Variants in ITFG1 observed in about 807,000 individuals in gnomAD.
ITFG1 encodes the protein T-cell immunomodulatory protein.
ITFG1 carries 34 observed loss-of-function variants against 81.8 expected under a neutral mutation model. The ratio of observed to expected loss-of-function variants is 0.42; its 90% CI spans 0.32 to 0.55. The LOEUF (loss-of-function observed/expected upper bound fraction) is 0.55, where lower values mean the gene tolerates loss of function less well. Among genes scored for constraint, ITFG1 ranks in the 20% least tolerant of loss-of-function variants. The probability of loss-of-function intolerance (pLI) is 0.17; values close to 1 mark genes in which losing one functional copy is unlikely to be tolerated. For missense variants in ITFG1, 672 were observed against 755.4 expected (o/e 0.89, Z 1.29); for synonymous variants, 285 against 270.6 (o/e 1.05, Z -0.52).
intron 9 of ITFG1, 77 bp downstream of exon 9, chr16:47,313,652 G>A: frequency 3.0e-6 from 2 of 670,014 alleles, no homozygotes; most frequent in Middle Eastern, 5.1e-4. Context: ...GATTCTACAG[G>A]TATCTTTTCT....
At position 47,238,012 on chromosome 16, in the gene ITFG1, T is replaced by C. The variant is rs1358344814; in HGVS notation, c.1331-4A>G. 6.8e-6 allele frequency: 10 copies of C among 1,466,804 alleles called. No homozygotes were observed. The highest frequency in any genetic ancestry group is 2.5e-5 in the East Asian group (1 of 40,390). 90.9% of individuals were successfully genotyped at this position (1,466,804 alleles called of 1,614,324 possible). ...TTAGAACACAGACCACTAAGAACTG[T>C]GGAAAAATAAACAGGCAATTATTAC... On this transcript the variant is annotated splice_region_variant and splice_polypyrimidine_tract_variant and intron_variant, in intron 12 of 17. Coordinates refer to ENST00000320640, the MANE Select transcript of ITFG1 (RefSeq NM_030790.5).
chr16:47,324,673 G>A (rs1967503505), intron 8 of ITFG1, among the ~76,000 whole-genome samples: 1 of 151,942 alleles, frequency 6.6e-6, no homozygotes, highest in African/African-American at 2.4e-5. Flanking sequence ...CAAAAAGGCA[G>A]GGGTTGCAAT....
chr16:47,165,773 G>C (rs1964880790), intron 14 of ITFG1, among the ~76,000 whole-genome samples: 1 of 152,190 alleles, frequency 6.6e-6, no homozygotes, highest in Non-Finnish European at 1.5e-5. Flanking sequence ...TGAGCCCAGG[G>C]AGGTTGAGGC....
chr16:47,277,956 C>A (rs367790918), intron 10 of ITFG1, among the ~76,000 whole-genome samples: 1 of 152,036 alleles, frequency 6.6e-6, no homozygotes, highest in Non-Finnish European at 1.5e-5. Flanking sequence ...AAATATCTTG[C>A]GCAAACAGAT....
At chr16:47,450,756 T>C (rs1033886880) in intron 5 of ITFG1, among the ~76,000 whole-genome samples, 1 of 152,172 alleles carries the variant, frequency 6.6e-6, no homozygotes, top group African/African-American at 2.4e-5. Flanking sequence ...GGGTTGAAGG[T>C]ATCTTATGAA....
chr16:47,193,139 A>T (rs553878762), intron 14 of ITFG1, among the ~76,000 whole-genome samples: 42 of 151,948 alleles, frequency 2.8e-4, no homozygotes, highest in African/African-American at 9.9e-4. Context: ...ACCTCTTTAC[A>T]TGTTGGATGG....
chr16:47,155,900 T>C, intron 17 of ITFG1, 122 bp from the exon 18 acceptor site: 1 of 648,192 alleles, frequency 1.5e-6, no homozygotes, highest in Non-Finnish European at 2.6e-6. Flanking sequence ...ATAGATATGA[T>C]TTCCTAATTC....
chr16:47,325,078 T>A (rs1286555939), intron 8 of ITFG1, among the ~76,000 whole-genome samples: 2 of 152,166 alleles, frequency 1.3e-5, no homozygotes, highest in African/African-American at 4.8e-5. Flanking sequence ...ACCACATAGT[T>A]GGAAGTAAAG....
rs113577947 is a variant in ITFG1 at position 47,454,393 on chromosome 16, C to T, written c.282-235G>A. Among the ~76,000 whole-genome samples the T allele has an allele frequency of 7.4e-3, 1,128 of 152,116 alleles. 17 individuals carry two copies. Among genetic ancestry groups the T allele is most frequent in the African/African-American group, 0.026 (1,068 of 41,504 alleles). On this transcript the variant is annotated intron_variant, in intron 2 of 17. Transcript: ENST00000320640. ...GAAACAAGACAAATCTGAAATATGT[C>T]GAGAGAAAACGTGTTTATTATGTTC...
intron 8 of ITFG1, among the ~76,000 whole-genome samples, chr16:47,349,619 T>A (rs1036624790): frequency 3.9e-5 from 6 of 152,312 alleles, no homozygotes; most frequent in African/African-American, 1.4e-4. Flanking sequence ...TGGGAGACTT[T>A]AACACCCAAC....
intron 15 of ITFG1, 118 bp downstream of exon 15, chr16:47,162,421 TA>T: frequency 1.1e-6 from 1 of 902,154 alleles, no homozygotes; most frequent in Non-Finnish European, 1.6e-6. Flanking sequence ...TTAAAGGGAA[TA>T]AAAATATTTG....
At chr16:47,435,371 G>A (rs1480810028) in intron 5 of ITFG1, among the ~76,000 whole-genome samples, 2 of 152,090 alleles carry the variant, frequency 1.3e-5, no homozygotes, top group Non-Finnish European at 2.9e-5. Context: ...AGAAACAGAG[G>A]AAAAAGTGGG....
At chr16:47,227,556 G>C (rs1965770912) in intron 13 of ITFG1, among the ~76,000 whole-genome samples, 1 of 152,112 alleles carries the variant, frequency 6.6e-6, no homozygotes, top group Non-Finnish European at 1.5e-5. Context: ...CTGATCTCTT[G>C]TGTGCCTATT....
intron 5 of ITFG1, among the ~76,000 whole-genome samples, chr16:47,439,015 G>A (rs970112782): frequency 1.3e-5 from 2 of 152,222 alleles, no homozygotes; most frequent in African/African-American, 2.4e-5. Flanking sequence ...TGAAAACCAC[G>A]GCACGAGAAC....
At chr16:47,459,061 T>G in intron 2 of ITFG1, 42 bp downstream of exon 2, 2 of 1,203,090 alleles carry the variant, frequency 1.7e-6, no homozygotes, top group Non-Finnish European at 2.5e-6. Flanking sequence ...ATTATTATAT[T>G]AATGACTAAA....
intron 10 of ITFG1, among the ~76,000 whole-genome samples, chr16:47,287,823 T>C (rs1966876074): frequency 6.6e-6 from 1 of 152,244 alleles, no homozygotes; most frequent in South Asian, 2.1e-4. Context: ...TTTTATCCTA[T>C]GCATATCTTC....
At chr16:47,366,587 T>G (rs1331392059) in intron 7 of ITFG1, among the ~76,000 whole-genome samples, 1 of 152,176 alleles carries the variant, frequency 6.6e-6, no homozygotes, top group Non-Finnish European at 1.5e-5. Flanking sequence ...TTTAAATTAT[T>G]GCCTTTCCCT....
intron 13 of ITFG1, among the ~76,000 whole-genome samples, chr16:47,219,657 C>T (rs1406654987): frequency 6.6e-6 from 1 of 152,092 alleles, no homozygotes. Context: ...TTTTCTCAGC[C>T]TCAAAATTCT....
In ITFG1 at chr16:47,459,125, G is replaced by T. The variant is rs1455110098; in HGVS notation, c.259C>A (p.Pro87Thr). 3 of 1,596,444 alleles carry T rather than the reference G, an allele frequency of 1.9e-6. No individual in the cohort carries two copies. Among genetic ancestry groups the T allele is most frequent in the East Asian group, 2.2e-5 (1 of 44,760 alleles). The change falls in exon 2 of 18, where the codon CCC becomes ACC. Residue 87 changes from proline to threonine, a missense_variant. Physicochemically the swap from Pro to Thr is conservative, Grantham distance 38. Coordinates refer to ENST00000320640, the MANE Select transcript of ITFG1 (RefSeq NM_030790.5). The stretch of plus-strand genomic sequence containing the variant: ...TACTTGAAAGATACCTTTACTTTGG[G>T]TTTAAAATAGGGTGCATTCTGGTCT... ...LADQNAPYFK[P>T]KVKVSFKNHS...
Sources: gnomAD v4.1 joint callset for allele counts (sites outside exome capture counted in the v4.1 genomes callset) on GRCh38, gnomAD v4.1.1 for gene constraint, MANE v1.5 for transcripts, NCBI Gene and HGNC (gene_info 2026-07-23, HGNC 2026-07-21) for gene names.